KRIT1: variants seen among roughly 807,000 people sequenced by gnomAD.
KRIT1 encodes krev interaction trapped protein 1.
In KRIT1, 45 loss-of-function variants were observed where a neutral mutation model predicts 95.8. The ratio of observed to expected loss-of-function variants is 0.47; its 90% confidence interval spans 0.37 to 0.60. The LOEUF (loss-of-function observed/expected upper bound fraction) is 0.60. Ranked by LOEUF, KRIT1 falls within the 20% of genes least tolerant of loss-of-function variation. KRIT1 has a pLI of 0.00. For synonymous variants in KRIT1, 282 were observed against 278.8 expected, an observed-to-expected ratio of 1.01 and a Z score of -0.11; for missense variants, 788 against 877.5, an observed-to-expected ratio of 0.90 and a Z score of 1.29.
chr7:92,212,925 C>T (rs911440017), intron 17 of KRIT1, among the ~76,000 whole-genome samples: 2 of 152,104 alleles, frequency 1.3e-5, no homozygotes, highest in African/African-American at 4.8e-5. Flanking sequence ...TGTTCAGCAC[C>T]TTGCTTTTTC....
Position 92,213,189 on chromosome 7 carries a change from A to C in KRIT1, c.2025+6T>G. ...CATGATTGGTAAAAAAGAGCTGAAA[A>C]TCTACCTTAGTTTCCATGTTGAGGA... On this transcript the variant is annotated splice_donor_region_variant and intron_variant, in intron 17 of 18. Transcript: ENST00000394505. 6.3e-7 allele frequency: 1 copy of C among 1,591,552 alleles called. No homozygotes were observed.
intron 10 of KRIT1, among the ~76,000 whole-genome samples, chr7:92,229,292 G>A (rs1796817303): frequency 6.6e-6 from 1 of 152,130 alleles, no homozygotes; most frequent in Admixed American, 6.5e-5. Flanking sequence ...TCTGACTGGT[G>A]TGAGATGGTA....
chr7:92,214,000 A>G, intron 15 of KRIT1, 21 bp from the exon 16 acceptor site: 4 of 1,395,750 alleles, frequency 2.9e-6, no homozygotes, highest in Non-Finnish European at 4.1e-6. Context: ...ACATGCCAAC[A>G]TCCTTTAAAT....
chr7:92,231,459 A>G (rs1480443586), intron 10 of KRIT1, among the ~76,000 whole-genome samples: 4 of 152,214 alleles, frequency 2.6e-5, no homozygotes, highest in African/African-American at 9.6e-5. Context: ...AGAGTAAAAA[A>G]GTATCCTGAG....
intron 10 of KRIT1, among the ~76,000 whole-genome samples, chr7:92,233,371 C>T (rs1293026830): frequency 1.3e-5 from 2 of 151,198 alleles, no homozygotes; most frequent in African/African-American, 4.9e-5. Flanking sequence ...ACAACTAAGA[C>T]ACTGTGGACA....
At chr7:92,209,146 G>A (rs1471663557) in intron 17 of KRIT1, among the ~76,000 whole-genome samples, 1 of 151,200 alleles carries the variant, frequency 6.6e-6, no homozygotes, top group Non-Finnish European at 1.5e-5. Context: ...ATATCGTTTC[G>A]TGATGAAAAA....
chr7:92,223,654 G>A (rs142023828), intron 12 of KRIT1, among the ~76,000 whole-genome samples: 21 of 152,100 alleles, frequency 1.4e-4, no homozygotes, highest in African/African-American at 3.9e-4. Context: ...TCTAGTGTTC[G>A]TCAAGTACTT....
chr7:92,210,129 G>A (rs1792480361), intron 17 of KRIT1, among the ~76,000 whole-genome samples: 1 of 151,856 alleles, frequency 6.6e-6, no homozygotes, highest in Admixed American at 6.6e-5. Context: ...AAGCAATCAA[G>A]TAATTCAATG....
At chr7:92,207,552 A>C (rs1240384860) in intron 17 of KRIT1, among the ~76,000 whole-genome samples, 1 of 152,176 alleles carries the variant, frequency 6.6e-6, no homozygotes, top group Non-Finnish European at 1.5e-5. Context: ...TTTAAACTGC[A>C]CTTTAGACTA....
intron 17 of KRIT1, among the ~76,000 whole-genome samples, chr7:92,210,469 T>C (rs1364334329): frequency 6.6e-6 from 1 of 152,078 alleles, no homozygotes; most frequent in African/African-American, 2.4e-5. Flanking sequence ...GTTGGAAAAA[T>C]TGGATACCCA....
In KRIT1 at chr7:92,214,786, A is replaced by G. The variant is rs754933329; in HGVS notation, c.1564-9T>C. On this transcript the variant is annotated splice_polypyrimidine_tract_variant and intron_variant, in intron 14 of 18. Transcript: ENST00000394505. ...GCTAGTGGGTCTTCAATCTTAAAGG[A>G]AAAAGTATAATTTGGTTATTAGGCT... is the stretch of plus-strand genomic sequence containing the variant. 1.9e-6 allele frequency: 3 copies of G among 1,572,182 alleles called. No individual in the cohort carries two copies. The African/African-American group carries it at 4.1e-5, about 21-fold the overall frequency.
intron 17 of KRIT1, among the ~76,000 whole-genome samples, chr7:92,211,697 G>A (rs1792874033): frequency 6.6e-6 from 1 of 152,066 alleles, no homozygotes; most frequent in South Asian, 2.1e-4. Flanking sequence ...AAATATTTAA[G>A]GTGATGAATT....
intron 17 of KRIT1, among the ~76,000 whole-genome samples, chr7:92,211,009 T>A (rs957018058): frequency 5.9e-5 from 9 of 152,152 alleles, no homozygotes; most frequent in African/African-American, 2.2e-4. Flanking sequence ...GAATGGCTAT[T>A]ATCAAAATGA....
chr7:92,223,264 C>T (rs1474645126), intron 12 of KRIT1, among the ~76,000 whole-genome samples: 5 of 108,544 alleles, frequency 4.6e-5, no homozygotes, highest in African/African-American at 1.1e-4. Flanking sequence ...CCCGTCTCTA[C>T]TAAAAATACA....
intron 12 of KRIT1, 76 bp from the exon 13 acceptor site, chr7:92,223,054 T>C: frequency 1.1e-6 from 1 of 872,726 alleles, no homozygotes; most frequent in Non-Finnish European, 1.9e-6. Flanking sequence ...TTCCTTCAAC[T>C]TCATGTGCTT....
At chr7:92,224,827 C>A (rs1315021799) in intron 12 of KRIT1, among the ~76,000 whole-genome samples, 1 of 152,064 alleles carries the variant, frequency 6.6e-6, no homozygotes, top group East Asian at 1.9e-4. Context: ...GCTTAAGAGA[C>A]CTAAGTATAG....
intron 10 of KRIT1, among the ~76,000 whole-genome samples, chr7:92,229,835 G>A (rs1796926773): frequency 6.6e-6 from 1 of 152,072 alleles, no homozygotes. Context: ...ATTCTCCAAA[G>A]TGCCCTACAT....
At chr7:92,224,626 G>A (rs969687611) in intron 12 of KRIT1, among the ~76,000 whole-genome samples, 3 of 151,890 alleles carry the variant, frequency 2.0e-5, no homozygotes, top group Admixed American at 1.3e-4. Context: ...AGCTATGTAT[G>A]CCAGCATTTT....
intron 14 of KRIT1, among the ~76,000 whole-genome samples, chr7:92,216,934 TA>T (rs1433775929): frequency 6.6e-6 from 1 of 152,208 alleles, no homozygotes; most frequent in African/African-American, 2.4e-5. Context: ...GTTTTCATCC[TA>T]AAAGGATGAT....
Sources: gnomAD v4.1 joint callset for allele counts (sites outside exome capture counted in the v4.1 genomes callset) on GRCh38, gnomAD v4.1.1 for gene constraint, MANE v1.5 for transcripts, NCBI Gene and HGNC (gene_info 2026-07-23, HGNC 2026-07-21) for gene names.